Variants in NECAB1 observed in about 807,000 individuals in gnomAD.
NECAB1 encodes the protein N-terminal EF-hand calcium-binding protein 1.
In NECAB1, 29 loss-of-function variants were observed where a neutral mutation model predicts 57.5. The ratio of observed to expected loss-of-function variants is 0.50; its 90% confidence interval spans 0.38 to 0.69. NECAB1 has a LOEUF of 0.69. NECAB1 is among the 30% of genes least tolerant of loss of function. NECAB1 has a pLI of 0.00. For synonymous variants in NECAB1, 142 were observed against 147.7 expected, an observed-to-expected ratio of 0.96 and a Z score of 0.28; for missense variants, 372 against 413.8, an observed-to-expected ratio of 0.90 and a Z score of 0.88.
chr8:90,837,731 C>T (rs917972008), intron 3 of NECAB1, among the ~76,000 whole-genome samples: 3 of 152,228 alleles, frequency 2.0e-5, no homozygotes, highest in Non-Finnish European at 2.9e-5. Context: ...GTCTCTTCCA[C>T]TGGCTTCTCT....
intron 5 of NECAB1, chr8:90,903,943 C>T (rs1016230768): frequency 6.6e-6 from 1 of 152,126 alleles, no homozygotes; most frequent in Non-Finnish European, 1.5e-5. Flanking sequence ...TGATAACAAC[C>T]TTCTGCAAAA....
At chr8:90,923,594 A>C (rs1364859931) in intron 6 of NECAB1, among the ~76,000 whole-genome samples, 5 of 152,242 alleles carry the variant, frequency 3.3e-5, no homozygotes, top group Non-Finnish European at 7.3e-5. Context: ...GGTCAACCAA[A>C]AGGACAAATC....
At chr8:90,852,190 G>T (rs1238334450) in intron 3 of NECAB1, among the ~76,000 whole-genome samples, 1 of 152,164 alleles carries the variant, frequency 6.6e-6, no homozygotes, top group Admixed American at 6.5e-5. Context: ...TAAGAAGGGT[G>T]CAAGCTAACA....
chr8:90,940,315 TATGTCTA>T, intron 9 of NECAB1: 1 of 153,602 alleles, frequency 6.5e-6, no homozygotes, highest in Non-Finnish European at 1.5e-5. Flanking sequence ...GATTGTCACT[TATGTCTA>T]ATATCACAAA....
At chr8:90,915,055 G>A (rs2130105754) in intron 5 of NECAB1, among the ~76,000 whole-genome samples, 1 of 152,206 alleles carries the variant, frequency 6.6e-6, no homozygotes, top group South Asian at 2.1e-4. Flanking sequence ...ATGCTTTATT[G>A]CTCAGTAAAT....
At chr8:90,930,994 T>C (rs1343155922) in intron 8 of NECAB1, among the ~76,000 whole-genome samples, 1 of 137,198 alleles carries the variant, frequency 7.3e-6, no homozygotes, top group Non-Finnish European at 1.5e-5. Flanking sequence ...ATAGTTATTT[T>C]TAAAGGAATG....
intron 3 of NECAB1, among the ~76,000 whole-genome samples, chr8:90,846,440 T>C (rs1316461896): frequency 6.6e-6 from 1 of 152,260 alleles, no homozygotes; most frequent in Non-Finnish European, 1.5e-5. Flanking sequence ...AGATTGAATC[T>C]ATGAACTTTG....
Position 90,956,030 on chromosome 8 carries a change from A to T in NECAB1, c.*518A>T, listed in dbSNP as rs1376058579. ...ACAGCCCTATGACTACTATCTTTGC[A>T]TTAGTTAAAAAGTTAGTATATAGGC... On this transcript the variant is annotated 3_prime_UTR_variant, in exon 13 of 13. Coordinates refer to ENST00000417640, the MANE Select transcript of NECAB1 (RefSeq NM_022351.5). The T allele has an allele frequency of 6.6e-6, 1 of 152,174 alleles. No individual in the cohort carries two copies. The highest frequency in any genetic ancestry group is 1.5e-5 in the Non-Finnish European group (1 of 68,062). 9.4% of individuals were successfully genotyped at this position (152,174 alleles called of 1,614,324 possible).
chr8:90,929,424 G>C (rs1233622104), intron 8 of NECAB1, among the ~76,000 whole-genome samples: 1 of 152,212 alleles, frequency 6.6e-6, no homozygotes, highest in Non-Finnish European at 1.5e-5. Flanking sequence ...AGATAGTCCA[G>C]AGGTCTGAAT....
intron 5 of NECAB1, among the ~76,000 whole-genome samples, chr8:90,894,371 C>T (rs562869189): frequency 6.6e-6 from 1 of 152,208 alleles, no homozygotes. Context: ...CCTCTCACTC[C>T]CCAAACTATA....
At chr8:90,870,968 A>T (rs1808612752) in intron 3 of NECAB1, among the ~76,000 whole-genome samples, 1 of 151,912 alleles carries the variant, frequency 6.6e-6, no homozygotes, top group Non-Finnish European at 1.5e-5. Context: ...TCTAAGATCA[A>T]GTATTTAGTG....
In NECAB1 at chr8:90,881,103, C is replaced by A; in HGVS notation, c.330C>A (p.Ile110=). The A allele has an allele frequency of 6.2e-7, 1 of 1,605,132 alleles. No homozygotes were observed. Among genetic ancestry groups the A allele is most frequent in the Non-Finnish European group, 8.5e-7 (1 of 1,175,352 alleles). The part of the protein sequence containing the change: ...LAALEDLNLS[I]LKAMGKTKKD... ...CACTTGAAGACCTGAATCTTTCCAT[C>A]CTGAAGGCAATGGGCAAAACAAAGA... The change falls in exon 5 of 13, where the codon ATC becomes ATA. Residue 110 remains isoleucine (I), a synonymous_variant. Coordinates refer to ENST00000417640, the MANE Select transcript of NECAB1 (RefSeq NM_022351.5).
At chr8:90,850,699 G>A (rs1277824288) in intron 3 of NECAB1, among the ~76,000 whole-genome samples, 1 of 152,088 alleles carries the variant, frequency 6.6e-6, no homozygotes, top group Non-Finnish European at 1.5e-5. Flanking sequence ...TCTTCTTACT[G>A]GGGTTCAAGC....
intron 3 of NECAB1, among the ~76,000 whole-genome samples, chr8:90,849,686 ATTTTTTTTTTTTTTTT>A (rs34779201): frequency 1.2e-5 from 1 of 84,132 alleles, no homozygotes; most frequent in Admixed American, 1.8e-4. Context: ...GTTTCCAGTA[ATTTTTTTTTTTTTTTT>A]TTTTTTTTTG....
chr8:90,813,230 TATATACACACACACAC>T (rs1327744596), intron 2 of NECAB1: 2,598 of 138,626 alleles, frequency 0.019, 71 homozygotes, highest in African/African-American at 0.065. Context: ...TATATATGTA[TATATACACACACACAC>T]ACACACACAC....
At chr8:90,896,983 G>A (rs1036160716) in intron 5 of NECAB1, among the ~76,000 whole-genome samples, 11 of 152,062 alleles carry the variant, frequency 7.2e-5, no homozygotes, top group African/African-American at 2.7e-4. Context: ...GTGCGTCAGG[G>A]ATAAGAACCC....
chr8:90,951,216 G>T lies in NECAB1; in HGVS notation c.1030+12G>T, dbSNP rs1365197564. The T allele has an allele frequency of 1.3e-6, 2 of 1,501,684 alleles. No homozygotes were observed. The highest frequency in any genetic ancestry group is 1.8e-6 in the Non-Finnish European group (2 of 1,090,462). The allele number at this position is 1,501,684 out of a possible 1,614,324, so 93.0% of individuals were successfully genotyped here. On this transcript the variant is annotated intron_variant, in intron 12 of 12. Transcript: ENST00000417640. ...AATGCTAGTTCCTGGTAATTATCCTGGGTTTACAATGCTTCTGTGTCCTTT... is the reference window on the plus strand; with the variant it reads ...AATGCTAGTTCCTGGTAATTATCCTTGGTTTACAATGCTTCTGTGTCCTTT...
At chr8:90,876,154 G>A (rs1286888371) in intron 4 of NECAB1, among the ~76,000 whole-genome samples, 1 of 152,196 alleles carries the variant, frequency 6.6e-6, no homozygotes, top group Non-Finnish European at 1.5e-5. Flanking sequence ...GATTGGCAGA[G>A]CCTGGACAGT....
chr8:90,934,823 C>A (rs1337476789), intron 9 of NECAB1, among the ~76,000 whole-genome samples: 2 of 152,100 alleles, frequency 1.3e-5, no homozygotes, highest in African/African-American at 4.8e-5. Flanking sequence ...CAAAAGGGAA[C>A]ATTTGTATCC....
Sources: allele counts gnomAD v4.1 joint callset (sites outside exome capture counted in the v4.1 genomes callset), GRCh38; gene constraint gnomAD v4.1.1; transcripts MANE v1.5; gene names NCBI Gene and HGNC (gene_info 2026-07-23, HGNC 2026-07-21).